The following SAG variants were observed in gnomAD, a reference collection of about 807,000 sequenced individuals.
SAG encodes S-arrestin.
Under a neutral mutation model 55.0 loss-of-function variants are expected in SAG, and 45 were observed. That is an observed-to-expected ratio of 0.82 (90% CI 0.64 to 1.05). The LOEUF (loss-of-function observed/expected upper bound fraction) is 1.05, where lower values mean the gene tolerates loss of function less well. SAG is among the 50% of genes least tolerant of loss of function. The pLI is 0.00. For missense variants in SAG, 455 were observed against 512.1 expected, an observed-to-expected ratio of 0.89 and a Z score of 1.08; for synonymous variants, 189 against 197.4, an observed-to-expected ratio of 0.96 and a Z score of 0.36.
At chr2:233,342,434 A>G in intron 14 of SAG, 108 bp downstream of exon 14, 1 of 870,240 alleles carries the variant, frequency 1.1e-6, no homozygotes, top group Non-Finnish European at 1.9e-6. Context: ...GGGAGTGGCC[A>G]GGTGTAAGAG....
At chr2:233,339,152 G>A (rs928890294) in intron 12 of SAG, among the ~76,000 whole-genome samples, 14 of 152,182 alleles carry the variant, frequency 9.2e-5, no homozygotes, top group African/African-American at 3.4e-4. Flanking sequence ...TCCATAAAGT[G>A]GGGACTTTCC....
At chr2:233,338,580 C>A in intron 11 of SAG, 96 bp from the exon 12 acceptor site, 1 of 1,087,658 alleles carries the variant, frequency 9.2e-7, no homozygotes. Context: ...GGAGAACCTC[C>A]ATGACGGCAT....
In SAG at chr2:233,346,336, T is replaced by C. The variant is rs1277883945; in HGVS notation, c.1103-67T>C. The C allele has an allele frequency of 5.8e-6, 9 of 1,543,616 alleles. No individual in the cohort carries two copies. In the East Asian group the frequency reaches 1.3e-4, roughly 23 times the overall value. On this transcript the variant is annotated intron_variant, in intron 14 of 15. Transcript: ENST00000409110. ...ACATTTTCTAGGTACAGCTATGATA[T>C]AGAATTTAGACTAACAAATGTCTCT...
chr2:233,318,760 T>C lies in SAG; in HGVS notation c.146T>C (p.Val49Ala). ...VSQVQPVDGV[V>A]LVDPDLVKGK... is the part of the protein sequence containing the mutation. The stretch of plus-strand genomic sequence containing the variant: ...CCCTCTTTTGCCTTAGATGGTGTCG[T>C]GTTGGTTGATCCTGATCTTGTGAAG... The change falls in exon 4 of 16, where the codon GTG becomes GCG. Residue 49 changes from valine (V) to alanine (A), a missense_variant. Val to Ala is a moderately conservative substitution (Grantham distance 64). Transcript: ENST00000409110. 6.2e-7 allele frequency: 1 copy of C among 1,613,570 alleles called. No individual in the cohort carries two copies. The highest frequency in any genetic ancestry group is 8.5e-7 in the Non-Finnish European group (1 of 1,179,504).
At chr2:233,346,569 G>C (rs561099037) in intron 15 of SAG, among the ~76,000 whole-genome samples, 157 bp downstream of exon 15, 2 of 152,258 alleles carry the variant, frequency 1.3e-5, no homozygotes, top group Non-Finnish European at 2.9e-5. Flanking sequence ...TAGTGCTTAC[G>C]GCACGCACGC....
intron 6 of SAG, among the ~76,000 whole-genome samples, chr2:233,326,465 A>G (rs922181033): frequency 4.0e-5 from 6 of 151,876 alleles, no homozygotes; most frequent in Non-Finnish European, 7.4e-5. Flanking sequence ...CACACCTGTA[A>G]TCCCAGCTAC....
chr2:233,330,099 C>T (rs1187697295), intron 9 of SAG, among the ~76,000 whole-genome samples: 1 of 152,156 alleles, frequency 6.6e-6, no homozygotes, highest in Non-Finnish European at 1.5e-5. Context: ...GGGGAGGTGC[C>T]TTCTGCCTGT....
chr2:233,338,424 G>T, intron 11 of SAG: 1 of 523,120 alleles, frequency 1.9e-6, no homozygotes, highest in South Asian at 2.4e-5. Flanking sequence ...CAAGCACAGA[G>T]AAGGGGGTTG....
At chr2:233,330,531 T>C (rs914271397) in intron 9 of SAG, among the ~76,000 whole-genome samples, 11 of 133,530 alleles carry the variant, frequency 8.2e-5, no homozygotes, top group African/African-American at 2.2e-4. Context: ...CTTCCTTCCT[T>C]CCTTCCTTCC....
intron 2 of SAG, among the ~76,000 whole-genome samples, chr2:233,310,314 T>G (rs144278532): frequency 1.6e-4 from 25 of 152,310 alleles, no homozygotes; most frequent in African/African-American, 6.0e-4. Flanking sequence ...TGATGTTATA[T>G]TTTATTTCAG....
intron 15 of SAG, 109 bp downstream of exon 15, chr2:233,346,521 G>A (rs970774375): frequency 1.6e-5 from 19 of 1,187,206 alleles, no homozygotes; most frequent in South Asian, 1.5e-4. Context: ...CTCTCCTGCC[G>A]GCTCAGGAGG....
At chr2:233,309,380 G>A in intron 2 of SAG, 116 bp downstream of exon 2, 1 of 913,380 alleles carries the variant, frequency 1.1e-6, no homozygotes, top group Non-Finnish European at 1.7e-6. Flanking sequence ...CCAGGGCGCG[G>A]TGGCTCATGC....
chr2:233,321,950 T>C (rs111534661), intron 5 of SAG, among the ~76,000 whole-genome samples: 21,255 of 150,622 alleles, frequency 0.14, 1,685 homozygotes, highest in African/African-American at 0.19. Flanking sequence ...TGAGACCATC[T>C]TGGCTAACAT....
intron 2 of SAG, among the ~76,000 whole-genome samples, chr2:233,315,417 C>T (rs542497965): frequency 2.0e-5 from 3 of 149,666 alleles, no homozygotes; most frequent in Admixed American, 6.8e-5. Context: ...CTCAATCTCT[C>T]GAGTAGCTGG....
chr2:233,332,040 A>T, intron 10 of SAG: 1 of 333,658 alleles, frequency 3.0e-6, no homozygotes. Flanking sequence ...GGAATTTGGT[A>T]CTATTTCCAC....
intron 14 of SAG, 124 bp downstream of exon 14, chr2:233,342,450 A>T: frequency 1.3e-6 from 1 of 779,542 alleles, no homozygotes; most frequent in Non-Finnish European, 2.2e-6. Flanking sequence ...AAGAGATTCC[A>T]TGTGATCTAC....
chr2:233,327,272 C>A, intron 7 of SAG, 75 bp downstream of exon 7: 1 of 1,235,344 alleles, frequency 8.1e-7, no homozygotes, highest in Non-Finnish European at 1.2e-6. Context: ...CACCTTGTCT[C>A]TGTGGGACAG....
Position 233,316,108 on chromosome 2 carries a change from G to A in SAG, c.109G>A (p.Asp37Asn). Residue 37 changes from aspartate (D) to asparagine (N), a missense_variant, in exon 3 of 16, where the codon GAC (aspartate) becomes AAC (asparagine). Asp to Asn is a conservative substitution (Grantham distance 23, BLOSUM62 1). Transcript: ENST00000409110. ...CTACCTGGGGAACAGAGACTACATA[G>A]ACCATGTCAGCCAAGTCCAGCCTGT... ...TIYLGNRDYI[D>N]HVSQVQPVDG... The A allele has an allele frequency of 1.3e-6, 2 of 1,599,360 alleles. No homozygotes were observed. Among genetic ancestry groups the A allele is most frequent in the Non-Finnish European group, 1.7e-6 (2 of 1,171,404 alleles).
rs1417061164 is a variant in SAG, at chr2:233,346,816, TGCAAATTTAG to T, written c.1123_1132del (p.Ala375PhefsTer10). The T allele has an allele frequency of 6.2e-7, 1 of 1,604,720 alleles. No individual in the cohort carries two copies. Among genetic ancestry groups the T allele is most frequent in the Non-Finnish European group, 8.5e-7 (1 of 1,172,814 alleles). ...GTTTGTTTTATTTTAGTTATCAGGA[TGCAAATTTAG>T]TTTTTGAGGAGTTTGCTCGCCATAA... On this transcript the variant is annotated frameshift_variant, in exon 16 of 16. Transcript: ENST00000409110. LOFTEE classifies it high-confidence loss of function.
Sources: gnomAD v4.1 joint callset for allele counts (sites outside exome capture counted in the v4.1 genomes callset) on GRCh38, gnomAD v4.1.1 for gene constraint, MANE v1.5 for transcripts, NCBI Gene and HGNC (gene_info 2026-07-23, HGNC 2026-07-21) for gene names.